The following PRKG1 variants were observed in gnomAD, a reference collection of about 807,000 sequenced individuals.
PRKG1 encodes the protein cGMP-dependent protein kinase 1.
In PRKG1, 35 loss-of-function variants were observed where a neutral mutation model predicts 88.1. That is an observed-to-expected ratio of 0.40 (90% CI 0.30 to 0.53). The LOEUF is 0.53. Among genes scored for constraint, PRKG1 ranks in the 20% least tolerant of loss-of-function variants. The pLI is 0.59. For synonymous variants in PRKG1, 303 were observed against 292.5 expected, an observed-to-expected ratio of 1.04 and a Z score of -0.37; for missense variants, 540 against 839.8, an observed-to-expected ratio of 0.64 and a Z score of 4.41.
chr10:51,593,443 G>A (rs1262811698), intron 3 of PRKG1, among the ~76,000 whole-genome samples: 2 of 152,056 alleles, frequency 1.3e-5, no homozygotes, highest in East Asian at 3.9e-4. Flanking sequence ...TGTCCATCAT[G>A]GCCATTACTG....
chr10:51,592,542 A>G (rs1838337649), intron 3 of PRKG1, among the ~76,000 whole-genome samples: 1 of 152,094 alleles, frequency 6.6e-6, no homozygotes, highest in African/African-American at 2.4e-5. Flanking sequence ...GCCTGCCGTG[A>G]TTATTGATCA....
chr10:51,081,717 C>T (rs1302877034), intron 1 of PRKG1, among the ~76,000 whole-genome samples: 1 of 152,162 alleles, frequency 6.6e-6, no homozygotes, highest in Non-Finnish European at 1.5e-5. Flanking sequence ...AGGCACTGCT[C>T]CTGTGCTTTA....
intron 5 of PRKG1, among the ~76,000 whole-genome samples, chr10:51,979,420 T>TTG (rs1843941816): frequency 7.3e-6 from 1 of 136,952 alleles, no homozygotes; most frequent in African/African-American, 2.7e-5. Flanking sequence ...GTTTTTTTTT[T>TTG]TTTTTTTTTT....
intron 3 of PRKG1, among the ~76,000 whole-genome samples, chr10:51,576,193 T>C (rs1043204950): frequency 3.3e-5 from 5 of 151,956 alleles, no homozygotes; most frequent in African/African-American, 9.7e-5. Context: ...GATTACAGAA[T>C]TGTGATTCTC....
chr10:52,214,302 T>A (rs11001213), intron 9 of PRKG1, among the ~76,000 whole-genome samples: 2 of 152,000 alleles, frequency 1.3e-5, no homozygotes, highest in East Asian at 3.9e-4. Flanking sequence ...ATAACTTGGG[T>A]GCACATCTCT....
intron 1 of PRKG1, among the ~76,000 whole-genome samples, chr10:51,110,803 G>A (rs1295489965): frequency 1.3e-5 from 2 of 152,028 alleles, no homozygotes; most frequent in Non-Finnish European, 2.9e-5. Context: ...GTGAGGGAGA[G>A]GATGAAACTG....
intron 2 of PRKG1, among the ~76,000 whole-genome samples, chr10:51,339,134 C>G (rs1344591947): frequency 6.6e-6 from 1 of 152,090 alleles, no homozygotes; most frequent in Non-Finnish European, 1.5e-5. Flanking sequence ...TCTTCAAAAG[C>G]CTTAATACTT....
At position 51,718,143 on chromosome 10, in the gene PRKG1, T is replaced by A. The variant is rs149662641; in HGVS notation, c.593-86442T>A. Among the ~76,000 whole-genome samples the A allele has an allele frequency of 4.4e-4, 67 of 152,256 alleles. 1 individual carries two copies. In the East Asian group the frequency reaches 0.013, roughly 28 times the overall value. ...CTGGTGGTGGGGAAAAACAACAAAT[T>A]GATATAGTAAAATAACAATAATGGC... On this transcript the variant is annotated intron_variant, in intron 3 of 17. Coordinates refer to ENST00000373980, the MANE Select transcript of PRKG1 (RefSeq NM_006258.4).
At position 51,111,886 on chromosome 10, in the gene PRKG1, C is replaced by CT. The variant is rs1844987951; in HGVS notation, c.311+36987dup. ...ATTTTCTCCTGATCTAAAGATCTTT[C>CT]TTATAAAGCCACAGTGTATGTCAAG... On this transcript the variant is annotated intron_variant, in intron 1 of 17. Coordinates refer to ENST00000373980, the MANE Select transcript of PRKG1 (RefSeq NM_006258.4). Among the ~76,000 whole-genome samples, 7 of 152,236 alleles carry CT rather than the reference C, an allele frequency of 4.6e-5. No individual in the cohort carries two copies. In the South Asian group the frequency reaches 1.4e-3, roughly 32 times the overall value.
chr10:52,017,012 T>G (rs1159728527), intron 5 of PRKG1, among the ~76,000 whole-genome samples: 1 of 152,006 alleles, frequency 6.6e-6, no homozygotes, highest in Non-Finnish European at 1.5e-5. Context: ...CAAAAAGACA[T>G]GTAAATTCCC....
intron 5 of PRKG1, among the ~76,000 whole-genome samples, chr10:51,970,344 A>G (rs573925838): frequency 6.6e-6 from 1 of 151,816 alleles, no homozygotes; most frequent in South Asian, 2.1e-4. Context: ...TATTACATTT[A>G]GTTGTCATGT....
intron 2 of PRKG1, among the ~76,000 whole-genome samples, chr10:51,248,105 A>G (rs1438129104): frequency 6.6e-6 from 1 of 151,902 alleles, no homozygotes; most frequent in East Asian, 1.9e-4. Flanking sequence ...GACTGAATTT[A>G]TCTGTGGCTG....
Position 51,074,787 on chromosome 10 carries a change from G to A in PRKG1, c.197G>A (p.Ser66Asn), listed in dbSNP as rs530013905. ...ATQQAQKQSA[S>N]TLQGEPRTKR... Reference sequence around the variant, plus strand: ...CAGCAGGCGCAGAAGCAGAGCGCGAGCACCTTGCAGGGCGAGCCGCGCACC... The same window carrying A: ...CAGCAGGCGCAGAAGCAGAGCGCGAACACCTTGCAGGGCGAGCCGCGCACC... Residue 66 changes from serine (S) to asparagine (N), a missense_variant, in exon 1 of 18, where the codon AGC (serine) becomes AAC (asparagine). By Grantham distance (46) the Ser-to-Asn change is conservative. Around this residue, in one of 5 missense-constraint regions of PRKG1, gnomAD observed 400 missense variants for 562.7 expected, o/e 0.71. Transcript: ENST00000373980. 6.2e-7 allele frequency: 1 copy of A among 1,613,996 alleles called. No individual in the cohort carries two copies. Among genetic ancestry groups the A allele is most frequent in the Non-Finnish European group, 8.5e-7 (1 of 1,179,946 alleles).
At chr10:51,803,712 T>G (rs1027189279) in intron 3 of PRKG1, among the ~76,000 whole-genome samples, 3 of 151,904 alleles carry the variant, frequency 2.0e-5, no homozygotes, top group Non-Finnish European at 4.4e-5. Flanking sequence ...CTATGATATT[T>G]GAATTGTTTT....
At chr10:52,215,003 A>AT (rs374970896) in intron 9 of PRKG1, among the ~76,000 whole-genome samples, 1 of 148,880 alleles carries the variant, frequency 6.7e-6, no homozygotes, top group Non-Finnish European at 1.5e-5. Flanking sequence ...AATTCACATG[A>AT]TTTTTTATGT....
intron 3 of PRKG1, among the ~76,000 whole-genome samples, chr10:51,705,824 C>T (rs1423543736): frequency 1.3e-5 from 2 of 152,172 alleles, no homozygotes; most frequent in Non-Finnish European, 2.9e-5. Flanking sequence ...AAATCAAGCT[C>T]ATAAATCATT....
intron 2 of PRKG1, among the ~76,000 whole-genome samples, chr10:51,283,399 C>G (rs1053387069): frequency 1.3e-5 from 2 of 151,934 alleles, no homozygotes; most frequent in Non-Finnish European, 2.9e-5. Flanking sequence ...AGCTAGTTAT[C>G]TAGAATAGAT....
chr10:52,020,040 T>A (rs1369170616), intron 5 of PRKG1, among the ~76,000 whole-genome samples: 4 of 151,934 alleles, frequency 2.6e-5, no homozygotes, highest in African/African-American at 9.7e-5. Context: ...TATTTTAATA[T>A]ATTTTATTTT....
intron 2 of PRKG1, among the ~76,000 whole-genome samples, chr10:51,210,818 A>G (rs1838194953): frequency 6.6e-6 from 1 of 152,204 alleles, no homozygotes; most frequent in Non-Finnish European, 1.5e-5. Flanking sequence ...TGAGGCAATA[A>G]TTAATAGCTT....
Sources: allele counts gnomAD v4.1 joint callset (sites outside exome capture counted in the v4.1 genomes callset), GRCh38; gene constraint gnomAD v4.1.1; regional missense constraint gnomAD v4.1.1; transcripts MANE v1.5; gene names NCBI Gene and HGNC (gene_info 2026-07-23, HGNC 2026-07-21).